EYA1: variants seen among roughly 807,000 people sequenced by gnomAD.
EYA1 encodes the protein protein phosphatase EYA1.
A neutral mutation model predicts 82.0 loss-of-function variants in EYA1; 16 were observed. The observed-to-expected ratio is 0.20, with a 90% CI of 0.13 to 0.30. EYA1 has a LOEUF of 0.30. Among genes scored for constraint, EYA1 ranks in the 10% least tolerant of loss-of-function variants. EYA1 has a pLI of 1.00. For synonymous variants in EYA1, 261 were observed against 264.4 expected (o/e 0.99, Z 0.12); for missense variants, 633 against 730.7 (o/e 0.87, Z 1.54).
Position 71,317,701 on chromosome 8 carries a change from A to G in EYA1, c.419-12T>C. On this transcript the variant is annotated splice_polypyrimidine_tract_variant and intron_variant, in intron 6 of 17. Transcript: ENST00000340726. The stretch of plus-strand genomic sequence containing the variant: ...TGCCCACAATGCACCTAAATCAGTT[A>G]GTGATAGCTTATCTATCTGTCCATT... 4 of 1,613,864 alleles carry G rather than the reference A, an allele frequency of 2.5e-6. No homozygotes were observed. The highest frequency in any genetic ancestry group is 3.4e-6 in the Non-Finnish European group (4 of 1,179,734).
chr8:71,282,730 C>T (rs2128972057), intron 9 of EYA1, among the ~76,000 whole-genome samples: 1 of 152,290 alleles, frequency 6.6e-6, no homozygotes, highest in Non-Finnish European at 1.5e-5. Context: ...TCTGTGTTTG[C>T]TCCTACAGTC....
chr8:71,386,126 ATTCAGTCATACTTC>A (rs1217168148), intron 2 of EYA1, among the ~76,000 whole-genome samples: 1 of 152,226 alleles, frequency 6.6e-6, no homozygotes, highest in Non-Finnish European at 1.5e-5. Flanking sequence ...AGGTTAAATT[ATTCAGTCATACTTC>A]TTTAGTTTCT....
At chr8:71,216,875 CAA>C in intron 13 of EYA1, 23 bp from the exon 14 acceptor site, 1 of 1,613,886 alleles carries the variant, frequency 6.2e-7, no homozygotes, top group Non-Finnish European at 8.5e-7. Context: ...AAGAAAAGCC[CAA>C]AGTTAGCCGA....
At chr8:71,286,913 C>T (rs759023620) in intron 9 of EYA1, among the ~76,000 whole-genome samples, 19 of 151,404 alleles carry the variant, frequency 1.3e-4, no homozygotes, top group African/African-American at 4.4e-4. Flanking sequence ...GGCAATTCCC[C>T]GCCTCAGACT....
chr8:71,401,868 C>G (rs1036535733), intron 2 of EYA1, among the ~76,000 whole-genome samples: 1 of 152,152 alleles, frequency 6.6e-6, no homozygotes, highest in African/African-American at 2.4e-5. Context: ...TTTTCTCTGT[C>G]TGCTTATGAT....
chr8:71,361,566 C>T, intron 1 of EYA1, 81 bp downstream of exon 1: 1 of 660,716 alleles, frequency 1.5e-6, no homozygotes, highest in Non-Finnish European at 1.9e-6. Context: ...ATAATAAAAG[C>T]GCTCCTGTTA....
At chr8:71,474,617 G>T (rs1020811306) in intron 2 of EYA1, among the ~76,000 whole-genome samples, 2 of 152,034 alleles carry the variant, frequency 1.3e-5, no homozygotes, top group African/African-American at 2.4e-5. Flanking sequence ...ATATAAAATT[G>T]TGAAAATTAT....
intron 2 of EYA1, among the ~76,000 whole-genome samples, chr8:71,425,104 CAAA>C (rs71264555): frequency 9.3e-5 from 7 of 75,276 alleles, no homozygotes; most frequent in African/African-American, 2.2e-4. Context: ...ACTAAAAATA[CAAA>C]AAAAAAAAAA....
intron 2 of EYA1, among the ~76,000 whole-genome samples, chr8:71,433,608 A>T (rs2129163444): frequency 6.6e-6 from 1 of 152,212 alleles, no homozygotes; most frequent in East Asian, 1.9e-4. Flanking sequence ...GTAACAATCC[A>T]TGGGGATTTC....
chr8:71,487,359 C>T (rs1416229082), intron 2 of EYA1, among the ~76,000 whole-genome samples: 2 of 152,170 alleles, frequency 1.3e-5, no homozygotes, highest in Non-Finnish European at 2.9e-5. Flanking sequence ...TGTGAACATG[C>T]TCCTAGTATC....
intron 2 of EYA1, among the ~76,000 whole-genome samples, chr8:71,463,318 T>C (rs1057330272): frequency 6.6e-6 from 1 of 152,162 alleles, no homozygotes; most frequent in Non-Finnish European, 1.5e-5. Context: ...AGAAATGTGT[T>C]CCCCTCCAGA....
intron 2 of EYA1, among the ~76,000 whole-genome samples, chr8:71,479,219 C>T (rs1173665404): frequency 6.6e-6 from 1 of 152,146 alleles, no homozygotes; most frequent in African/African-American, 2.4e-5. Flanking sequence ...TGGGCCTTTG[C>T]ACCAGCTGTT....
chr8:71,435,705 C>G (rs947917167), intron 2 of EYA1, among the ~76,000 whole-genome samples: 1 of 142,210 alleles, frequency 7.0e-6, no homozygotes, highest in Non-Finnish European at 1.6e-5. Flanking sequence ...TTAGTGTTAC[C>G]CTATAAAGGG....
At chr8:71,232,387 C>T (rs1287738638) in intron 12 of EYA1, among the ~76,000 whole-genome samples, 1 of 152,218 alleles carries the variant, frequency 6.6e-6, no homozygotes, top group Non-Finnish European at 1.5e-5. Context: ...CCAGCAAGTT[C>T]CATGAGCCAT....
At chr8:71,374,651 A>G (rs138279286) in intron 2 of EYA1, among the ~76,000 whole-genome samples, 1 of 152,334 alleles carries the variant, frequency 6.6e-6, no homozygotes, top group African/African-American at 2.4e-5. Flanking sequence ...TTTGCTGGGT[A>G]TACAACCAAA....
At chr8:71,455,504 C>A (rs1205448637) in intron 2 of EYA1, among the ~76,000 whole-genome samples, 1 of 152,116 alleles carries the variant, frequency 6.6e-6, no homozygotes, top group Admixed American at 6.5e-5. Context: ...ATGCAAAAAT[C>A]CTCAATAAAA....
At chr8:71,449,827 C>T (rs966673123) in intron 2 of EYA1, among the ~76,000 whole-genome samples, 2 of 152,192 alleles carry the variant, frequency 1.3e-5, no homozygotes, top group Non-Finnish European at 2.9e-5. Flanking sequence ...TAGGCATCTT[C>T]ATCAATGATC....
At chr8:71,362,255 A>C (rs1054287295), upstream of EYA1, 2 of 946,192 alleles carry the variant, frequency 2.1e-6, no homozygotes, top group Non-Finnish European at 2.5e-6. Context: ...TGAAAGGAGC[A>C]CTGCTCTGTC....
intron 2 of EYA1, among the ~76,000 whole-genome samples, chr8:71,397,730 C>T (rs544525416): frequency 6.4e-4 from 98 of 152,134 alleles, no homozygotes; most frequent in African/African-American, 2.2e-3. Context: ...CATTTTTTCC[C>T]TCATTTCAAC....
Sources: gnomAD v4.1 joint callset for allele counts (sites outside exome capture counted in the v4.1 genomes callset) on GRCh38, gnomAD v4.1.1 for gene constraint, MANE v1.5 for transcripts, NCBI Gene and HGNC (gene_info 2026-07-23, HGNC 2026-07-21) for gene names.